Variants in STXBP5L observed in about 807,000 individuals in gnomAD.
STXBP5L encodes syntaxin binding protein 5L.
In STXBP5L, 65 loss-of-function variants were observed where a neutral mutation model predicts 144.5. The ratio of observed to expected loss-of-function variants is 0.45; its 90% CI spans 0.37 to 0.55. The LOEUF (loss-of-function observed/expected upper bound fraction) is 0.55, where lower values mean the gene tolerates loss of function less well. Ranked by LOEUF, STXBP5L falls within the 20% of genes least tolerant of loss-of-function variation. The pLI, the probability that STXBP5L is intolerant of heterozygous loss-of-function variation, is 0.00. For synonymous variants in STXBP5L, 505 were observed against 469.6 expected, an observed-to-expected ratio of 1.08 and a Z score of -0.97; for missense variants, 1,298 against 1,405.5, an observed-to-expected ratio of 0.92 and a Z score of 1.22.
intron 14 of STXBP5L, among the ~76,000 whole-genome samples, chr3:121,245,842 TA>T (rs1166445360): frequency 6.6e-6 from 1 of 152,112 alleles, no homozygotes; most frequent in Non-Finnish European, 1.5e-5. Flanking sequence ...ATAATAGTAA[TA>T]TATTTCAATA....
At chr3:121,394,034 G>A (rs1461952560) in intron 22 of STXBP5L, among the ~76,000 whole-genome samples, 1 of 152,082 alleles carries the variant, frequency 6.6e-6, no homozygotes. Flanking sequence ...TCATTTTAAT[G>A]ATATTGATTC....
At position 121,147,634 on chromosome 3, in the gene STXBP5L, A is replaced by G. The variant is rs77476319; in HGVS notation, c.670-4843A>G. Among the ~76,000 whole-genome samples, 491 of 152,276 alleles carry G rather than the reference A, an allele frequency of 3.2e-3. 1 individual carries two copies. Among genetic ancestry groups the G allele is most frequent in the African/African-American group, 0.012 (482 of 41,570 alleles). ...ATATAATGGTTAATTTTATGTGTCA[A>G]CTTGACTGGGCCTTGAGGTAACCAA... On this transcript the variant is annotated intron_variant, in intron 7 of 26. Coordinates refer to ENST00000471454, the MANE Select transcript of STXBP5L (RefSeq NM_001308330.2).
At chr3:121,377,792 C>T (rs1305521147) in intron 20 of STXBP5L, among the ~76,000 whole-genome samples, 1 of 152,142 alleles carries the variant, frequency 6.6e-6, no homozygotes, top group Admixed American at 6.5e-5. Flanking sequence ...ACCAGAAATA[C>T]CATTTGACCC....
At chr3:121,072,194 TG>T (rs1379125949) in intron 5 of STXBP5L, among the ~76,000 whole-genome samples, 4 of 152,364 alleles carry the variant, frequency 2.6e-5, no homozygotes, top group Middle Eastern at 3.4e-3. Flanking sequence ...TTCTCTTTCC[TG>T]GTAGGAAATG....
intron 3 of STXBP5L, among the ~76,000 whole-genome samples, chr3:121,016,543 T>G (rs2108176007): frequency 6.6e-6 from 1 of 152,290 alleles, no homozygotes; most frequent in South Asian, 2.1e-4. Context: ...AAATAGAAAC[T>G]TCTCAAATGG....
At chr3:120,949,891 G>T (rs1268823695) in intron 2 of STXBP5L, among the ~76,000 whole-genome samples, 1 of 151,242 alleles carries the variant, frequency 6.6e-6, no homozygotes, top group Non-Finnish European at 1.5e-5. Context: ...GTCTTTGATG[G>T]TGTCCTTTAT....
chr3:121,235,300 G>T (rs778815691), intron 12 of STXBP5L, among the ~76,000 whole-genome samples: 3 of 151,924 alleles, frequency 2.0e-5, no homozygotes, highest in African/African-American at 7.2e-5. Flanking sequence ...TGTAACTTTG[G>T]AATCTCTTTC....
intron 9 of STXBP5L, among the ~76,000 whole-genome samples, chr3:121,175,185 T>G (rs2046884557): frequency 6.6e-6 from 1 of 152,070 alleles, no homozygotes; most frequent in Non-Finnish European, 1.5e-5. Context: ...AGGAGACAGA[T>G]TCTCTCTGGG....
At chr3:120,968,210 C>T (rs949287669) in intron 3 of STXBP5L, among the ~76,000 whole-genome samples, 3 of 152,096 alleles carry the variant, frequency 2.0e-5, no homozygotes, top group African/African-American at 4.8e-5. Context: ...CTGTGGTTTT[C>T]TACTGTTATT....
chr3:120,918,709 G>A (rs1709221011), intron 2 of STXBP5L, among the ~76,000 whole-genome samples: 1 of 152,024 alleles, frequency 6.6e-6, no homozygotes, highest in Admixed American at 6.6e-5. Context: ...GTCCCATATT[G>A]TCTTTTTGTA....
rs548367905 is a variant in STXBP5L, at chr3:121,048,495, T to G, written c.470+2960T>G. 2.0e-5 allele frequency among the ~76,000 whole-genome samples: 3 copies of G among 152,266 alleles called. No homozygotes were observed. In the South Asian group the frequency reaches 6.2e-4, roughly 32 times the overall value. On this transcript the variant is annotated intron_variant, in intron 5 of 26. Transcript: ENST00000471454. Reference sequence around the variant, plus strand: ...TGCAGGGATACTAATGAATTGGAGATTTGGTCTCTTTACATAATCCTTTAT... The same window carrying G: ...TGCAGGGATACTAATGAATTGGAGAGTTGGTCTCTTTACATAATCCTTTAT...
chr3:120,946,096 A>G (rs1490679769), intron 2 of STXBP5L, among the ~76,000 whole-genome samples: 1 of 151,850 alleles, frequency 6.6e-6, no homozygotes, highest in East Asian at 1.9e-4. Context: ...TTCCTCATAA[A>G]TTAACTTGGT....
At chr3:121,364,528 G>A (rs1400020345) in intron 20 of STXBP5L, among the ~76,000 whole-genome samples, 2 of 150,676 alleles carry the variant, frequency 1.3e-5, no homozygotes, top group Admixed American at 6.6e-5. Flanking sequence ...TGAATCCATA[G>A]ATCACTTTGG....
intron 20 of STXBP5L, among the ~76,000 whole-genome samples, chr3:121,325,515 C>T (rs1350466909): frequency 6.6e-6 from 1 of 151,828 alleles, no homozygotes; most frequent in Non-Finnish European, 1.5e-5. Flanking sequence ...AATTATGGGA[C>T]ATTCAAACAG....
At chr3:121,068,335 A>G (rs2041645648) in intron 5 of STXBP5L, among the ~76,000 whole-genome samples, 3 of 152,222 alleles carry the variant, frequency 2.0e-5, no homozygotes, top group Admixed American at 2.0e-4. Flanking sequence ...TGGTGTACCT[A>G]ACATTTAATA....
At chr3:121,085,545 G>C (rs1481880004) in intron 5 of STXBP5L, among the ~76,000 whole-genome samples, 1 of 152,122 alleles carries the variant, frequency 6.6e-6, no homozygotes, top group Non-Finnish European at 1.5e-5. Context: ...GACAAACAGA[G>C]AGCCAAATCA....
At chr3:120,956,224 C>A (rs189147979) in intron 3 of STXBP5L, among the ~76,000 whole-genome samples, 1 of 151,828 alleles carries the variant, frequency 6.6e-6, no homozygotes, top group Non-Finnish European at 1.5e-5. Context: ...TACCATTCAG[C>A]GTTATTAAAT....
intron 19 of STXBP5L, among the ~76,000 whole-genome samples, chr3:121,291,792 T>C (rs1426879105): frequency 6.6e-6 from 1 of 151,788 alleles, no homozygotes; most frequent in Admixed American, 6.6e-5. Flanking sequence ...CGAACAATAA[T>C]ATAAAGTGGG....
At chr3:121,215,295 T>C (rs2048734762) in intron 10 of STXBP5L, among the ~76,000 whole-genome samples, 1 of 152,178 alleles carries the variant, frequency 6.6e-6, no homozygotes, top group Non-Finnish European at 1.5e-5. Flanking sequence ...TTCTTCATAG[T>C]GTCTATGGTC....
Sources: gnomAD v4.1 joint callset for allele counts (sites outside exome capture counted in the v4.1 genomes callset) on GRCh38, gnomAD v4.1.1 for gene constraint, MANE v1.5 for transcripts, NCBI Gene and HGNC (gene_info 2026-07-23, HGNC 2026-07-21) for gene names.